The following PPIC variants were observed in gnomAD, a reference collection of about 807,000 sequenced individuals.
The protein encoded by PPIC is peptidyl-prolyl cis-trans isomerase C.
Under a neutral mutation model 19.5 loss-of-function variants are expected in PPIC, and 19 were observed. The observed-to-expected ratio is 0.98, with a 90% confidence interval of 0.68 to 1.43. PPIC has a LOEUF of 1.43. PPIC is among the 40% of genes most tolerant of loss of function. The pLI is 0.00. For missense variants in PPIC, 268 were observed against 268.6 expected (o/e 1.00, Z 0.02); for synonymous variants, 107 against 101.2 (o/e 1.06, Z -0.34).
rs942504488 is a variant in PPIC, at chr5:123,023,577, GA to G, written c.*297del. On this transcript the variant is annotated 3_prime_UTR_variant, in exon 5 of 5. Transcript: ENST00000306442. ...CAATATGGGGATCATAATGAATTCA[GA>G]AAAAAAATATTGCATTAAAAAAATA... 3.0e-5 allele frequency: 6 copies of G among 197,330 alleles called. No individual in the cohort carries two copies. Among genetic ancestry groups the G allele is most frequent in the East Asian group, 1.2e-4 (1 of 8,056 alleles). The allele number at this position is 197,330 out of a possible 1,614,324, so 12.2% of individuals were successfully genotyped here. A position where few individuals can be genotyped will look rare whatever the true frequency, so the allele number is the denominator to read the frequency against.
intron 1 of PPIC, among the ~76,000 whole-genome samples, chr5:123,034,357 A>G (rs1342029013): frequency 1.3e-5 from 2 of 152,188 alleles, no homozygotes; most frequent in Non-Finnish European, 2.9e-5. Flanking sequence ...CAATTCTGAG[A>G]GTAGGGTGCA....
At chr5:123,027,116 C>G (rs1762870900) in intron 3 of PPIC, among the ~76,000 whole-genome samples, 1 of 152,036 alleles carries the variant, frequency 6.6e-6, no homozygotes, top group Non-Finnish European at 1.5e-5. Context: ...ATCGCTTGAA[C>G]CTGGGAGGCA....
At chr5:123,025,651 TA>T in intron 4 of PPIC, 132 bp downstream of exon 4, 1 of 880,908 alleles carries the variant, frequency 1.1e-6, no homozygotes, top group Non-Finnish European at 1.7e-6. Context: ...ATATATAATT[TA>T]TTCACCTTTG....
Position 123,025,371 on chromosome 5 carries a change from T to C in PPIC, c.510+413A>G, listed in dbSNP as rs539222280. On this transcript the variant is annotated intron_variant, in intron 4 of 4. Transcript: ENST00000306442. ...TCTGTTTCTATCAATGTGACCACTTTAGATATTTTATATAAATGAAGTCAT... is the reference window on the plus strand; with the variant it reads ...TCTGTTTCTATCAATGTGACCACTTCAGATATTTTATATAAATGAAGTCAT... Among the ~76,000 whole-genome samples the C allele has an allele frequency of 1.6e-4, 24 of 152,338 alleles. No individual in the cohort carries two copies. In the South Asian group the frequency reaches 5.0e-3, roughly 32 times the overall value.
chr5:123,030,531 C>T (rs79581535), intron 1 of PPIC, among the ~76,000 whole-genome samples: 1,758 of 152,302 alleles, frequency 0.012, 15 homozygotes, highest in East Asian at 0.064. Context: ...CAGTTCAAGT[C>T]AAGAGCTTCT....
chr5:123,023,827 C>G lies in PPIC; in HGVS notation c.*48G>C. On this transcript the variant is annotated 3_prime_UTR_variant, in exon 5 of 5. Transcript: ENST00000306442. Reference sequence around the variant, plus strand: ...AACACAACACACACACACACACACACACACACACACCCCTGCCAAAGCATA... The same window carrying G: ...AACACAACACACACACACACACACAGACACACACACCCCTGCCAAAGCATA... The G allele has an allele frequency of 6.2e-7, 1 of 1,605,164 alleles. No individual in the cohort carries two copies. The highest frequency in any genetic ancestry group is 1.1e-5 in the South Asian group (1 of 89,742).
Position 123,028,769 on chromosome 5 carries a change from C to T in PPIC, c.325+6G>A, listed in dbSNP as rs545365217. On this transcript the variant is annotated splice_donor_region_variant and intron_variant, in intron 3 of 4. Coordinates refer to ENST00000306442, the MANE Select transcript of PPIC (RefSeq NM_000943.5). ...AAATGGGAAAGGAAAAATGCAAAGA[C>T]GTTACCCCCAGTGCCATCTCCAGTG... The T allele has an allele frequency of 8.7e-6, 14 of 1,604,718 alleles. No individual in the cohort carries two copies. Among genetic ancestry groups the T allele is most frequent in the Middle Eastern group, 1.7e-4 (1 of 6,024 alleles).
In PPIC at chr5:123,025,787, C is replaced by T; in HGVS notation, c.507G>A (p.Gly169=). 1 of 1,611,898 alleles carries T rather than the reference C, an allele frequency of 6.2e-7. No individual in the cohort carries two copies. Among genetic ancestry groups the T allele is most frequent in the Non-Finnish European group, 8.5e-7 (1 of 1,179,494 alleles). ...KHVVFGKVID[G]MTVVHSIELQ... ...GGAAAAAAATGTATCAATTTACCAT[C>T]CCATCAATGACTTTTCCAAACACCA... The change falls in exon 4 of 5, where the codon GGG becomes GGA. Residue 169 remains glycine (G), a synonymous_variant. Coordinates refer to ENST00000306442, the MANE Select transcript of PPIC (RefSeq NM_000943.5).
In PPIC at chr5:123,025,872, G is replaced by GTC. The variant is rs1201901019; in HGVS notation, c.421_422insGA (p.Thr141ArgfsTer11). The stretch of plus-strand genomic sequence containing the variant: ...GGTGATAAAGAACTGAGAGCCATTG[G>GTC]TGTCAGGCCCAGCGTTGGCCATGCT... On this transcript the variant is annotated frameshift_variant, in exon 4 of 5. Coordinates refer to ENST00000306442, the MANE Select transcript of PPIC (RefSeq NM_000943.5). LOFTEE classifies it high-confidence loss of function. 5 of 1,614,114 alleles carry GTC rather than the reference G, an allele frequency of 3.1e-6. No homozygotes were observed. Among genetic ancestry groups the GTC allele is most frequent in the Non-Finnish European group, 4.2e-6 (5 of 1,180,028 alleles).
In PPIC at chr5:123,025,365, C is replaced by A. The variant is rs1157643395; in HGVS notation, c.510+419G>T. On this transcript the variant is annotated intron_variant, in intron 4 of 4. Transcript: ENST00000306442. The stretch of plus-strand genomic sequence containing the variant: ...CTACTTTCTGTTTCTATCAATGTGA[C>A]CACTTTAGATATTTTATATAAATGA... 3.3e-5 allele frequency among the ~76,000 whole-genome samples: 5 copies of A among 152,170 alleles called. No homozygotes were observed. The East Asian group carries it at 9.6e-4, about 29-fold the overall frequency.
Position 123,036,512 on chromosome 5 carries a change from G to A in PPIC, c.114C>T (p.Ala38=), listed in dbSNP as rs761973876. 1.0e-5 allele frequency: 16 copies of A among 1,605,744 alleles called. No individual in the cohort carries two copies. The East Asian group carries it at 2.2e-4, about 22-fold the overall frequency. ...GFRKRGPSVT[A]KVFFDVRIGD... ...GCAGCCCGCCGCTCTCGGTCACCTT[G>A]GCCGTCACCGAGGGGCCTCGCTTGC... The change falls in exon 1 of 5, where the codon GCC becomes GCT. Residue 38 remains alanine, a synonymous_variant. Transcript: ENST00000306442. The surrounding 1 kb of genome is among the most constrained non-coding windows in gnomAD (Gnocchi z 4.5).
At chr5:123,035,811 G>T (rs936985123) in intron 1 of PPIC, among the ~76,000 whole-genome samples, 1 of 152,118 alleles carries the variant, frequency 6.6e-6, no homozygotes, top group East Asian at 1.9e-4. Flanking sequence ...CCTTAAAGAC[G>T]CACTTTCTGG....
chr5:123,030,947 G>A (rs1185926382), intron 1 of PPIC, among the ~76,000 whole-genome samples: 2 of 152,196 alleles, frequency 1.3e-5, no homozygotes, highest in Non-Finnish European at 2.9e-5. Context: ...GCCTGTGAAT[G>A]TTTAGGAAGG....
In PPIC at chr5:123,023,807, AAC is replaced by A. The variant is rs70988555; in HGVS notation, c.*66_*67del. 0.055 allele frequency: 70,597 copies of A among 1,273,926 alleles called. 169 individuals carry two copies. The highest frequency in any genetic ancestry group is 0.11 in the East Asian group (3,802 of 35,266). The allele number at this position is 1,273,926 out of a possible 1,614,324, so 78.9% of individuals were successfully genotyped here. ...AAAGCAAATAATTGAAAGACAACAC[AAC>A]ACACACACACACACACACACACACA... is the stretch of plus-strand genomic sequence containing the variant. On this transcript the variant is annotated 3_prime_UTR_variant, in exon 5 of 5. Coordinates refer to ENST00000306442, the MANE Select transcript of PPIC (RefSeq NM_000943.5).
intron 3 of PPIC, among the ~76,000 whole-genome samples, chr5:123,026,503 A>G (rs1432628158): frequency 6.6e-6 from 1 of 152,198 alleles, no homozygotes; most frequent in African/African-American, 2.4e-5. Flanking sequence ...CCTATTTTAC[A>G]ATGGGAAACA....
chr5:123,024,110 G>C, intron 4 of PPIC, 107 bp from the exon 5 acceptor site: 2 of 1,307,782 alleles, frequency 1.5e-6, no homozygotes, highest in Non-Finnish European at 2.1e-6. Context: ...AGGAAATAAG[G>C]TTGGTTGGTT....
At chr5:123,032,596 CT>C (rs1230389548) in intron 1 of PPIC, among the ~76,000 whole-genome samples, 2 of 152,314 alleles carry the variant, frequency 1.3e-5, no homozygotes, top group African/African-American at 4.8e-5. Flanking sequence ...CCTCTCACCA[CT>C]GGATTCATCT....
At chr5:123,029,072 A>T (rs2150189576) in intron 2 of PPIC, 2 of 865,718 alleles carry the variant, frequency 2.3e-6, no homozygotes, top group East Asian at 2.7e-5. Flanking sequence ...TATTAATGTG[A>T]ATAAGTTAAA....
intron 3 of PPIC, 59 bp from the exon 4 acceptor site, chr5:123,026,027 G>A: frequency 7.0e-7 from 1 of 1,423,428 alleles, no homozygotes. Context: ...CTCTTCAAAG[G>A]GAAACATAAG....
Sources: allele counts gnomAD v4.1 joint callset (sites outside exome capture counted in the v4.1 genomes callset), GRCh38; gene constraint gnomAD v4.1.1; non-coding constraint Gnocchi (gnomAD v3.1); transcripts MANE v1.5; gene names NCBI Gene and HGNC (gene_info 2026-07-23, HGNC 2026-07-21).